Variants in LNX2 observed in about 807,000 individuals in gnomAD.
LNX2 encodes ligand of numb-protein X 2.
A neutral mutation model predicts 66.2 loss-of-function variants in LNX2; 35 were observed. The ratio of observed to expected loss-of-function variants is 0.53; its 90% CI spans 0.40 to 0.70. LNX2 has a LOEUF of 0.70. Among genes scored for constraint, LNX2 ranks in the 30% least tolerant of loss-of-function variants. LNX2 has a pLI of 0.00. For missense variants in LNX2, 791 were observed against 850.8 expected (o/e 0.93, Z 0.87); for synonymous variants, 337 against 315.6 (o/e 1.07, Z -0.72).
At chr13:27,572,175 G>A (rs929453502) in intron 2 of LNX2, among the ~76,000 whole-genome samples, 1 of 152,022 alleles carries the variant, frequency 6.6e-6, no homozygotes, top group Non-Finnish European at 1.5e-5. Context: ...AGAACGTTGG[G>A]GCTAGAAGGG....
At chr13:27,599,771 T>C (rs1458949661) in intron 1 of LNX2, among the ~76,000 whole-genome samples, 5 of 152,146 alleles carry the variant, frequency 3.3e-5, no homozygotes, top group Admixed American at 2.0e-4. Flanking sequence ...GAGGCAAATA[T>C]TTAGCAACTT....
In LNX2 at chr13:27,550,487, G is replaced by GCTGT. The variant is rs1954994742; in HGVS notation, c.1782_1783insACAG (p.Leu595ThrfsTer4). The GCTGT allele has an allele frequency of 3.1e-6, 5 of 1,611,898 alleles. No individual in the cohort carries two copies. The highest frequency in any genetic ancestry group is 4.2e-6 in the Non-Finnish European group (5 of 1,179,392). ...AAAACTATATCGTGGCAGCTATGAA[G>GCTGT]TGTGCTATAAACAAACAGAAAAATA... On this transcript the variant is annotated frameshift_variant, in exon 9 of 10. Coordinates refer to ENST00000316334, the MANE Select transcript of LNX2 (RefSeq NM_153371.4). LOFTEE classifies it high-confidence loss of function.
intron 9 of LNX2, 110 bp from the exon 10 acceptor site, chr13:27,548,580 TCAATG>T: frequency 1.7e-6 from 2 of 1,148,600 alleles, no homozygotes; most frequent in Non-Finnish European, 2.5e-6. Flanking sequence ...CACTGAACTG[TCAATG>T]GTTAGGGTGT....
rs1455568126 is a variant in LNX2, at chr13:27,559,969, ACT to A, written c.1239_1240del (p.Arg413SerfsTer7). 6.2e-7 allele frequency: 1 copy of A among 1,606,362 alleles called. No individual in the cohort carries two copies. Among genetic ancestry groups the A allele is most frequent in the Non-Finnish European group, 8.5e-7 (1 of 1,176,288 alleles). ...CCCTGGTCTAGCAATTGTTAAATTCACTCTCTCTCCACTGGCCTGGAGAAAAC... is the reference window on the plus strand; with the variant it reads ...CCCTGGTCTAGCAATTGTTAAATTCACTCTCTCCACTGGCCTGGAGAAAAC... On this transcript the variant is annotated frameshift_variant, in exon 6 of 10. Coordinates refer to ENST00000316334, the MANE Select transcript of LNX2 (RefSeq NM_153371.4). LOFTEE classifies it high-confidence loss of function.
Position 27,547,347 on chromosome 13 carries a change from C to A in LNX2, c.*988G>T, listed in dbSNP as rs1168996087. The A allele has an allele frequency of 6.6e-6, 1 of 152,208 alleles. No individual in the cohort carries two copies. Among genetic ancestry groups the A allele is most frequent in the Non-Finnish European group, 1.5e-5 (1 of 68,022 alleles). The allele number at this position is 152,208 out of a possible 1,614,324, so 9.4% of individuals were successfully genotyped here. A position where few individuals can be genotyped will look rare whatever the true frequency, so the allele number is the denominator to read the frequency against. Reference sequence around the variant, plus strand: ...GTTCAAGTAAGTGCAGCTTTACCATCTCTAACATTAAGTTATAATTATCAT... The same window carrying A: ...GTTCAAGTAAGTGCAGCTTTACCATATCTAACATTAAGTTATAATTATCAT... On this transcript the variant is annotated 3_prime_UTR_variant, in exon 10 of 10. Coordinates refer to ENST00000316334, the MANE Select transcript of LNX2 (RefSeq NM_153371.4).
At chr13:27,558,529 CCT>C (rs1955091043) in intron 6 of LNX2, among the ~76,000 whole-genome samples, 1 of 151,936 alleles carries the variant, frequency 6.6e-6, no homozygotes, top group Non-Finnish European at 1.5e-5. Flanking sequence ...TATATACACC[CCT>C]ATCTCAAATT....
At position 27,610,286 on chromosome 13, in the gene LNX2, A is replaced by G. The variant is rs535532594; in HGVS notation, c.-101+10089T>C. Among the ~76,000 whole-genome samples the G allele has an allele frequency of 3.9e-5, 6 of 152,364 alleles. No individual in the cohort carries two copies. In the South Asian group the frequency reaches 1.2e-3, roughly 32 times the overall value. On this transcript the variant is annotated intron_variant, in intron 1 of 9. Transcript: ENST00000316334. ...GTTTCCAAATTGGTATCTTGCAACTATAAGAAATAAAAACAACAGAGAAAT... is the reference window on the plus strand; with the variant it reads ...GTTTCCAAATTGGTATCTTGCAACTGTAAGAAATAAAAACAACAGAGAAAT...
intron 6 of LNX2, among the ~76,000 whole-genome samples, 182 bp downstream of exon 6, chr13:27,559,660 T>C (rs116288430): frequency 2.9e-3 from 436 of 152,258 alleles, no homozygotes; most frequent in African/African-American, 9.7e-3. Flanking sequence ...GCAAAACATA[T>C]ACATTTCATA....
chr13:27,564,156 G>A (rs540415070), intron 4 of LNX2, among the ~76,000 whole-genome samples: 1 of 152,226 alleles, frequency 6.6e-6, no homozygotes, highest in South Asian at 2.1e-4. Context: ...AAAACGTCTG[G>A]CTAAAATCCA....
intron 1 of LNX2, among the ~76,000 whole-genome samples, chr13:27,612,395 C>A (rs1304826893): frequency 2.6e-5 from 4 of 152,196 alleles, no homozygotes; most frequent in Admixed American, 2.6e-4. Context: ...CTGTGTAACA[C>A]CTACTCAGCC....
chr13:27,585,464 A>C (rs1487565691), intron 1 of LNX2, among the ~76,000 whole-genome samples: 3 of 151,582 alleles, frequency 2.0e-5, no homozygotes, highest in African/African-American at 4.8e-5. Context: ...ATATAAAAAT[A>C]ATAAAAAAAA....
chr13:27,570,126 G>A (rs1475494301), intron 2 of LNX2, among the ~76,000 whole-genome samples: 1 of 152,170 alleles, frequency 6.6e-6, no homozygotes, highest in African/African-American at 2.4e-5. Flanking sequence ...TGATTGGACA[G>A]TGACTAATAA....
At chr13:27,596,393 G>A (rs540958280) in intron 1 of LNX2, among the ~76,000 whole-genome samples, 1 of 152,154 alleles carries the variant, frequency 6.6e-6, no homozygotes, top group East Asian at 1.9e-4. Context: ...AATTACAATT[G>A]TTTACAGATT....
chr13:27,560,788 T>C (rs922502917), intron 5 of LNX2, among the ~76,000 whole-genome samples: 1 of 152,072 alleles, frequency 6.6e-6, no homozygotes, highest in Non-Finnish European at 1.5e-5. Context: ...ATGACCACAA[T>C]GCCCAATTTT....
Position 27,583,261 on chromosome 13 carries a change from C to CGCGCGCGCGTGGGCGT in LNX2, c.-100-1459_-100-1458insACGCCCACGCGCGCGC, listed in dbSNP as rs11281345. On this transcript the variant is annotated intron_variant, in intron 1 of 9. Coordinates refer to ENST00000316334, the MANE Select transcript of LNX2 (RefSeq NM_153371.4). ...GTGTGTGTGTGTGTGTGTGTGCGCG[C>CGCGCGCGCGTGGGCGT]GTCCTCTCCAACATACTTATTTTTA... 4.4e-4 allele frequency among the ~76,000 whole-genome samples: 20 copies of CGCGCGCGCGTGGGCGT among 45,488 alleles called. 3 individuals are homozygous for CGCGCGCGCGTGGGCGT. Among genetic ancestry groups the CGCGCGCGCGTGGGCGT allele is most frequent in the Middle Eastern group, 0.01 (1 of 96 alleles). The allele number at this position is 45,488 out of a possible 152,430, so 29.8% of individuals were successfully genotyped here. A position where few individuals can be genotyped will look rare whatever the true frequency, so the allele number is the denominator to read the frequency against.
intron 5 of LNX2, among the ~76,000 whole-genome samples, chr13:27,560,836 A>G (rs1955127014): frequency 6.6e-6 from 1 of 152,120 alleles, no homozygotes; most frequent in South Asian, 2.1e-4. Flanking sequence ...AGCCTGCTTT[A>G]AAGAAATTGT....
intron 1 of LNX2, among the ~76,000 whole-genome samples, chr13:27,593,915 AT>A (rs1955571200): frequency 6.6e-6 from 1 of 151,516 alleles, no homozygotes; most frequent in African/African-American, 2.4e-5. Flanking sequence ...AAATTATACC[AT>A]TCTTGTTCTT....
Position 27,559,987 on chromosome 13 carries a change from T to C in LNX2, c.1225-2A>G. 1 of 1,594,218 alleles carries C rather than the reference T, an allele frequency of 6.3e-7. No individual in the cohort carries two copies. The highest frequency in any genetic ancestry group is 8.5e-7 in the Non-Finnish European group (1 of 1,170,076). On this transcript the variant is annotated splice_acceptor_variant, in intron 5 of 9. Coordinates refer to ENST00000316334, the MANE Select transcript of LNX2 (RefSeq NM_153371.4). LOFTEE classifies it high-confidence loss of function. Reference sequence around the variant, plus strand: ...TAAATTCACTCTCTCTCCACTGGCCTGGAGAAAACACAAATACATTACCAT... The same window carrying C: ...TAAATTCACTCTCTCTCCACTGGCCCGGAGAAAACACAAATACATTACCAT...
At chr13:27,617,260 A>C (rs1955837698) in intron 1 of LNX2, among the ~76,000 whole-genome samples, 1 of 152,204 alleles carries the variant, frequency 6.6e-6, no homozygotes, top group Non-Finnish European at 1.5e-5. Flanking sequence ...GGCCTGCCCC[A>C]GTCTTCTAAT....
Sources: gnomAD v4.1 joint callset for allele counts (sites outside exome capture counted in the v4.1 genomes callset) on GRCh38, gnomAD v4.1.1 for gene constraint, MANE v1.5 for transcripts, NCBI Gene and HGNC (gene_info 2026-07-23, HGNC 2026-07-21) for gene names.